The following PPP1R13B variants were observed in gnomAD, a reference collection of about 807,000 sequenced individuals.
PPP1R13B encodes the protein protein phosphatase 1 regulatory subunit 13B, also known as apoptosis-stimulating of p53 protein 1.
In PPP1R13B, 44 loss-of-function variants were observed where a neutral mutation model predicts 119.8. The observed-to-expected ratio is 0.37, with a 90% CI of 0.29 to 0.47. The LOEUF (loss-of-function observed/expected upper bound fraction) is 0.47. Among genes scored for constraint, PPP1R13B ranks in the 20% least tolerant of loss-of-function variants. PPP1R13B has a pLI of 0.99. For synonymous variants in PPP1R13B, 542 were observed against 561.5 expected (o/e 0.97, Z 0.49); for missense variants, 1,227 against 1,413.5 (o/e 0.87, Z 2.12).
At chr14:103,739,153 T>C (rs750841170) in intron 12 of PPP1R13B, 130 bp from the exon 13 acceptor site, 202 of 1,272,210 alleles carry the variant, frequency 1.6e-4, no homozygotes, top group Non-Finnish European at 2.1e-4. Flanking sequence ...CCTGGAGTGG[T>C]AGCAGTAGCA....
chr14:103,824,962 T>C (rs1030467231), intron 1 of PPP1R13B, among the ~76,000 whole-genome samples: 13 of 152,304 alleles, frequency 8.5e-5, no homozygotes, highest in Admixed American at 3.3e-4. Context: ...TTTTAACAAA[T>C]TGACGGGCTG....
At chr14:103,773,208 C>T (rs1336556300) in intron 4 of PPP1R13B, among the ~76,000 whole-genome samples, 1 of 151,136 alleles carries the variant, frequency 6.6e-6, no homozygotes, top group Non-Finnish European at 1.5e-5. Context: ...GAATATAGTA[C>T]AAAGAGACCA....
At chr14:103,779,829 G>C (rs2085296665) in intron 3 of PPP1R13B, among the ~76,000 whole-genome samples, 2 of 151,704 alleles carry the variant, frequency 1.3e-5, no homozygotes, top group Admixed American at 6.6e-5. Context: ...ATTACCAAGA[G>C]AGGAAAAAAA....
At chr14:103,779,305 T>C (rs1010396711) in intron 3 of PPP1R13B, among the ~76,000 whole-genome samples, 1 of 151,702 alleles carries the variant, frequency 6.6e-6, no homozygotes, top group East Asian at 1.9e-4. Context: ...AGACCCTGTT[T>C]AAAAAAAATA....
At chr14:103,845,885 C>A (rs540921111) in intron 1 of PPP1R13B, among the ~76,000 whole-genome samples, 65 of 152,260 alleles carry the variant, frequency 4.3e-4, no homozygotes, top group Non-Finnish European at 7.6e-4. Context: ...AATTCAAAGC[C>A]ATATTAAGAA....
chr14:103,771,523 C>T (rs1380961960), intron 4 of PPP1R13B, among the ~76,000 whole-genome samples: 3 of 147,180 alleles, frequency 2.0e-5, no homozygotes, highest in Non-Finnish European at 4.5e-5. Context: ...TCTTGTCCCC[C>T]AGGCTGGAGT....
chr14:103,792,169 CGTGTGTGTGTGTGTGT>C (rs58782839), intron 2 of PPP1R13B, among the ~76,000 whole-genome samples: 2 of 137,172 alleles, frequency 1.5e-5, no homozygotes, highest in African/African-American at 2.7e-5. Flanking sequence ...CTCTATTCAT[CGTGTGTGTGTGTGTGT>C]GTGTGTGTGT....
At chr14:103,776,737 C>A (rs1331786270) in intron 4 of PPP1R13B, among the ~76,000 whole-genome samples, 1 of 151,604 alleles carries the variant, frequency 6.6e-6, no homozygotes, top group Non-Finnish European at 1.5e-5. Context: ...CCGGGCGTGG[C>A]GGTGTGCGCC....
intron 2 of PPP1R13B, among the ~76,000 whole-genome samples, chr14:103,789,551 C>T (rs1047375996): frequency 2.7e-5 from 4 of 150,286 alleles, no homozygotes; most frequent in Admixed American, 1.3e-4. Context: ...CTTACTGTGT[C>T]GTGCCCAGGC....
intron 4 of PPP1R13B, 106 bp from the exon 5 acceptor site, chr14:103,757,857 T>C (rs1261863371): frequency 7.3e-6 from 6 of 825,464 alleles, no homozygotes; most frequent in Non-Finnish European, 1.2e-5. Flanking sequence ...TCCCTAGTAG[T>C]GAGGAGAGTA....
At chr14:103,774,733 T>G (rs1706021717) in intron 4 of PPP1R13B, among the ~76,000 whole-genome samples, 1 of 152,228 alleles carries the variant, frequency 6.6e-6, no homozygotes, top group Admixed American at 6.5e-5. Flanking sequence ...ATGTCATTAT[T>G]CTATAACCAA....
At chr14:103,770,982 T>C (rs538042903) in intron 4 of PPP1R13B, among the ~76,000 whole-genome samples, 10 of 152,290 alleles carry the variant, frequency 6.6e-5, no homozygotes, top group African/African-American at 2.2e-4. Context: ...GCTCATTCCA[T>C]TGTGGAGAGT....
chr14:103,740,000 A>G lies in PPP1R13B; in HGVS notation c.2416T>C (p.Cys806Arg). Reference sequence around the variant, plus strand: ...GCAGTTTGGTGGGTGGTTTGGGGACAGATGAGCTCCTCTGGTTCGGGGGAA... The same window carrying G: ...GCAGTTTGGTGGGTGGTTTGGGGACGGATGAGCTCCTCTGGTTCGGGGGAA... ...LPSPEPEELI[C>R]PQTTHQTAEP... Residue 806 changes from cysteine (C) to arginine (R), a missense_variant, in exon 12 of 17, where the codon TGT becomes CGT. Physicochemically the swap from Cys to Arg is radical, Grantham distance 180 (BLOSUM62 -3). Coordinates refer to ENST00000202556, the MANE Select transcript of PPP1R13B (RefSeq NM_015316.3). 1 of 1,614,128 alleles carries G rather than the reference A, an allele frequency of 6.2e-7. No individual in the cohort carries two copies. The highest frequency in any genetic ancestry group is 1.3e-5 in the African/African-American group (1 of 75,054).
chr14:103,765,801 G>A (rs1357940963), intron 4 of PPP1R13B, among the ~76,000 whole-genome samples: 2 of 151,970 alleles, frequency 1.3e-5, no homozygotes, highest in Non-Finnish European at 2.9e-5. Context: ...TTGATATTCA[G>A]GATGTTTATT....
intron 2 of PPP1R13B, among the ~76,000 whole-genome samples, chr14:103,791,782 T>C (rs923630637): frequency 7.2e-5 from 11 of 152,334 alleles, no homozygotes; most frequent in African/African-American, 2.4e-4. Flanking sequence ...ATTTTTAGTT[T>C]TGAAAGTAGC....
intron 5 of PPP1R13B, among the ~76,000 whole-genome samples, chr14:103,755,877 A>G (rs904670415): frequency 6.6e-6 from 1 of 152,210 alleles, no homozygotes; most frequent in Non-Finnish European, 1.5e-5. Flanking sequence ...CATAAATCCA[A>G]TAAATATTGA....
chr14:103,818,030 TCA>T (rs1248420433), intron 1 of PPP1R13B, among the ~76,000 whole-genome samples: 3 of 152,096 alleles, frequency 2.0e-5, no homozygotes, highest in Non-Finnish European at 4.4e-5. Context: ...ATGAAAGAAC[TCA>T]CTTCATACAT....
intron 4 of PPP1R13B, among the ~76,000 whole-genome samples, chr14:103,775,862 G>A (rs535677112): frequency 1.4e-4 from 22 of 152,248 alleles, no homozygotes; most frequent in African/African-American, 5.3e-4. Context: ...AGGCAGGAAT[G>A]TGAAGAGGGA....
chr14:103,809,189 C>A (rs1484119907), intron 1 of PPP1R13B, among the ~76,000 whole-genome samples: 1 of 152,124 alleles, frequency 6.6e-6, no homozygotes, highest in African/African-American at 2.4e-5. Context: ...AGCATCTACT[C>A]AAAGTTAAAT....
Sources: gnomAD v4.1 joint callset for allele counts (sites outside exome capture counted in the v4.1 genomes callset) on GRCh38, gnomAD v4.1.1 for gene constraint, MANE v1.5 for transcripts, NCBI Gene and HGNC (gene_info 2026-07-23, HGNC 2026-07-21) for gene names.